Variants in OSBPL10 observed in about 807,000 individuals in gnomAD.
The protein encoded by OSBPL10 is oxysterol-binding protein-related protein 10.
Under a neutral mutation model 81.7 loss-of-function variants are expected in OSBPL10, and 49 were observed. The observed-to-expected ratio is 0.60, with a 90% CI of 0.48 to 0.76. The LOEUF (loss-of-function observed/expected upper bound fraction) is 0.76, where lower values mean the gene tolerates loss of function less well. OSBPL10 is among the 30% of genes least tolerant of loss of function. The pLI is 0.00. For synonymous variants in OSBPL10, 419 were observed against 383.6 expected (o/e 1.09, Z -1.08); for missense variants, 923 against 987.8 (o/e 0.93, Z 0.88).
intron 1 of OSBPL10, among the ~76,000 whole-genome samples, chr3:32,053,664 T>C (rs1699684794): frequency 6.6e-6 from 1 of 152,048 alleles, no homozygotes; most frequent in Non-Finnish European, 1.5e-5. Context: ...TTGAATAAGA[T>C]TTTCATGTAA....
chr3:31,846,632 C>CAATAAATAAATA (rs71097451), intron 3 of OSBPL10, among the ~76,000 whole-genome samples: 110 of 149,174 alleles, frequency 7.4e-4, no homozygotes, highest in African/African-American at 2.5e-3. Flanking sequence ...AACTCCATCT[C>CAATAAATAAATA]AATAAATAAA....
chr3:32,024,174 G>A (rs1315545101), intron 2 of OSBPL10, among the ~76,000 whole-genome samples: 1 of 152,150 alleles, frequency 6.6e-6, no homozygotes, highest in Non-Finnish European at 1.5e-5. Flanking sequence ...TCTCAAAACA[G>A]TTTGGGCTCT....
At chr3:31,981,932 G>A (rs916736304), upstream of OSBPL10, 2 of 152,222 alleles carry the variant, frequency 1.3e-5, no homozygotes, top group Admixed American at 6.5e-5. This position sits in a 1 kb window ranked among gnomAD's most constrained non-coding sequence, Gnocchi z 4.5. Flanking sequence ...TCATGCAGCA[G>A]GATTATGATA....
At chr3:31,812,609 AT>A (rs1204392491) in intron 4 of OSBPL10, among the ~76,000 whole-genome samples, 1 of 151,558 alleles carries the variant, frequency 6.6e-6, no homozygotes, top group Non-Finnish European at 1.5e-5. Context: ...TACTGTGATG[AT>A]TTTTCTGTCA....
chr3:31,786,901 C>G (rs1188854866), intron 4 of OSBPL10, among the ~76,000 whole-genome samples: 4 of 152,162 alleles, frequency 2.6e-5, no homozygotes, highest in African/African-American at 9.7e-5. Flanking sequence ...GCTTTTTAAT[C>G]TGGCAGACAC....
At chr3:31,935,651 G>A (rs915311029) in intron 1 of OSBPL10, among the ~76,000 whole-genome samples, 13 of 151,786 alleles carry the variant, frequency 8.6e-5, no homozygotes, top group Non-Finnish European at 1.8e-4. Context: ...AGCCTCCCAA[G>A]TAGCTGGGAT....
intron 1 of OSBPL10, among the ~76,000 whole-genome samples, chr3:31,922,770 G>A (rs978374056): frequency 8.6e-5 from 13 of 152,014 alleles, no homozygotes; most frequent in East Asian, 5.8e-4. Flanking sequence ...CTGTTCCCCC[G>A]GCTGGCTTCT....
intron 4 of OSBPL10, among the ~76,000 whole-genome samples, chr3:31,788,995 T>C (rs1698936752): frequency 6.6e-6 from 1 of 152,124 alleles, no homozygotes; most frequent in Non-Finnish European, 1.5e-5. Flanking sequence ...TTTTTTGTTT[T>C]TGAGACGGAG....
At chr3:31,970,539 G>A (rs1347976614) in intron 1 of OSBPL10, among the ~76,000 whole-genome samples, 6 of 152,162 alleles carry the variant, frequency 3.9e-5, no homozygotes, top group Non-Finnish European at 7.3e-5. Context: ...TGCAAGGAGG[G>A]GGAGGGATGA....
chr3:31,968,501 T>C (rs961108726), intron 1 of OSBPL10, among the ~76,000 whole-genome samples: 2 of 134,880 alleles, frequency 1.5e-5, no homozygotes, highest in Admixed American at 7.3e-5. Flanking sequence ...TTTGCTTCTA[T>C]TTTGAAGGGG....
chr3:31,981,182 T>C lies in OSBPL10; in HGVS notation c.-3A>G. The stretch of plus-strand genomic sequence containing the variant: ...GTGCCCTGGACTGCCCTCTCCATGG[T>C]CCGTGGGCGCCCGGGACGCGGGTGC... On this transcript the variant is annotated 5_prime_UTR_variant, in exon 1 of 12. Coordinates refer to ENST00000396556, the MANE Select transcript of OSBPL10 (RefSeq NM_017784.5). The surrounding 1 kb of genome is among the most constrained non-coding windows in gnomAD (Gnocchi z 4.5). 1.4e-6 allele frequency: 2 copies of C among 1,408,352 alleles called. No individual in the cohort carries two copies. The highest frequency in any genetic ancestry group is 1.8e-6 in the Non-Finnish European group (2 of 1,085,280). The allele number at this position is 1,408,352 out of a possible 1,614,324, so 87.2% of individuals were successfully genotyped here.
intron 1 of OSBPL10, among the ~76,000 whole-genome samples, chr3:31,894,795 T>C (rs959360353): frequency 6.6e-6 from 1 of 152,136 alleles, no homozygotes; most frequent in Admixed American, 6.5e-5. Flanking sequence ...CTATTTCCCT[T>C]CTCTCTCAAG....
chr3:31,942,534 CAAA>C (rs34915200), intron 1 of OSBPL10, among the ~76,000 whole-genome samples: 1 of 79,746 alleles, frequency 1.3e-5, no homozygotes, highest in Non-Finnish European at 2.4e-5. Context: ...GACTCCATCT[CAAA>C]AAAAAAAAAA....
intron 1 of OSBPL10, among the ~76,000 whole-genome samples, chr3:31,966,366 T>C (rs776983401): frequency 1.2e-4 from 18 of 151,742 alleles, no homozygotes; most frequent in Non-Finnish European, 2.5e-4. Context: ...AAAGAAATGA[T>C]AATTTAATAA....
At chr3:31,945,265 C>T (rs1389542355) in intron 1 of OSBPL10, among the ~76,000 whole-genome samples, 1 of 151,854 alleles carries the variant, frequency 6.6e-6, no homozygotes, top group Admixed American at 6.6e-5. Flanking sequence ...GCAAACAAGG[C>T]GTCAAATTCC....
chr3:32,017,352 C>T (rs902737371), intron 2 of OSBPL10, among the ~76,000 whole-genome samples: 8 of 152,100 alleles, frequency 5.3e-5, no homozygotes, highest in Admixed American at 3.9e-4. Flanking sequence ...AATCTAGGTA[C>T]CTTTTATCAA....
chr3:31,801,050 G>A (rs1283464356), intron 4 of OSBPL10, among the ~76,000 whole-genome samples: 1 of 151,812 alleles, frequency 6.6e-6, no homozygotes, highest in African/African-American at 2.4e-5. Flanking sequence ...CATCACCATA[G>A]GTTCTCCAAC....
chr3:31,878,028 G>A (rs1300316894), intron 2 of OSBPL10, among the ~76,000 whole-genome samples: 1 of 152,084 alleles, frequency 6.6e-6, no homozygotes, highest in Non-Finnish European at 1.5e-5. Context: ...CTTGTGGGAC[G>A]GGCTAAGGAC....
At chr3:32,048,356 G>A (rs994607715) in intron 1 of OSBPL10, among the ~76,000 whole-genome samples, 7 of 145,298 alleles carry the variant, frequency 4.8e-5, no homozygotes, top group Non-Finnish European at 1.0e-4. Context: ...TGCCCAGGCT[G>A]GAGTGCAATG....
Sources: gnomAD v4.1 joint callset for allele counts (sites outside exome capture counted in the v4.1 genomes callset) on GRCh38, gnomAD v4.1.1 for gene constraint, Gnocchi (gnomAD v3.1) non-coding constraint, MANE v1.5 for transcripts, NCBI Gene and HGNC (gene_info 2026-07-23, HGNC 2026-07-21) for gene names.